PIP5K1C: variants seen among roughly 807,000 people sequenced by gnomAD.
PIP5K1C encodes phosphatidylinositol-4-phosphate 5-kinase type 1 gamma, also known as phosphatidylinositol 4-phosphate 5-kinase type-1 gamma.
PIP5K1C carries 45 observed loss-of-function variants against 80.1 expected under a neutral mutation model. The observed-to-expected ratio is 0.56, with a 90% CI of 0.44 to 0.72. The LOEUF (loss-of-function observed/expected upper bound fraction) is 0.72. Ranked by LOEUF, PIP5K1C falls within the 30% of genes least tolerant of loss-of-function variation. The pLI, the probability that PIP5K1C is intolerant of heterozygous loss-of-function variation, is 0.00. For missense variants in PIP5K1C, 753 were observed against 954.6 expected, an observed-to-expected ratio of 0.79 and a Z score of 2.78; for synonymous variants, 498 against 420.1, an observed-to-expected ratio of 1.19 and a Z score of -2.27.
At chr19:3,676,509 C>T (rs11672559) in intron 1 of PIP5K1C, among the ~76,000 whole-genome samples, 16,442 of 152,172 alleles carry the variant, frequency 0.11, 1,165 homozygotes, top group East Asian at 0.19. Flanking sequence ...CACCATCACT[C>T]GGCCCCCCGC....
In PIP5K1C at chr19:3,662,103, G is replaced by A. The variant is rs748223083; in HGVS notation, c.220-102C>T. 6.4e-5 allele frequency: 91 copies of A among 1,421,158 alleles called. No individual in the cohort carries two copies. The Admixed American group carries it at 8.4e-4, about 13-fold the overall frequency. 88.0% of individuals were successfully genotyped at this position (1,421,158 alleles called of 1,614,324 possible). A position where few individuals can be genotyped will look rare whatever the true frequency, so the allele number is the denominator to read the frequency against. On this transcript the variant is annotated intron_variant, in intron 3 of 17. Transcript: ENST00000335312. ...GGAGATCGTGACCAGCTGCAGCTTG[G>A]GACCCGGCACCTGCCAACCCCCTCC... is the stretch of plus-strand genomic sequence containing the variant.
rs1396413143 is a variant in PIP5K1C at position 3,636,642 on chromosome 19, C to G, written c.1920+2242G>C. ...GCGGTGGCTGGCTTCCCGCTGGCTC[C>G]GTGGGACGGAGCTGCCTAGAGCAGC... On this transcript the variant is annotated intron_variant, in intron 16 of 17. Transcript: ENST00000335312. 1.5e-5 allele frequency: 15 copies of G among 985,664 alleles called. No individual in the cohort carries two copies. In the East Asian group the frequency reaches 1.7e-3, roughly 112 times the overall value. The allele number at this position is 985,664 out of a possible 1,614,324, so 61.1% of individuals were successfully genotyped here.
intron 3 of PIP5K1C, among the ~76,000 whole-genome samples, chr19:3,663,814 G>A (rs2034917448): frequency 6.6e-6 from 1 of 152,210 alleles, no homozygotes; most frequent in South Asian, 2.1e-4. Flanking sequence ...AGAACAGTTT[G>A]CGAGTTTCTC....
intron 4 of PIP5K1C, 92 bp from the exon 5 acceptor site, chr19:3,661,175 G>A: frequency 1.2e-6 from 1 of 841,890 alleles, no homozygotes; most frequent in Non-Finnish European, 2.0e-6. Context: ...TCTAGCAGCT[G>A]AGCCTCTAGC....
At position 3,667,330 on chromosome 19, in the gene PIP5K1C, G is replaced by C; in HGVS notation, c.118C>G (p.Pro40Ala). Residue 40 changes from proline (P) to alanine (A), a missense_variant, in exon 2 of 18, where the codon CCA becomes GCA. By Grantham distance (27) the Pro-to-Ala change is conservative. Transcript: ENST00000335312. Reference protein sequence around the residue: ...AAGLAQKKAAPTEVLSMTAQP... With the variant: ...AAGLAQKKAAATEVLSMTAQP... The stretch of plus-strand genomic sequence containing the variant: ...CCGCTCCAGACACTCACCTCTGTTG[G>C]GGCCGCCTTCTTCTGAGCCAAACCT... 4 of 1,612,956 alleles carry C rather than the reference G, an allele frequency of 2.5e-6. No homozygotes were observed. Among genetic ancestry groups the C allele is most frequent in the Middle Eastern group, 1.6e-4 (1 of 6,062 alleles).
At chr19:3,672,647 G>A (rs1176747898) in intron 1 of PIP5K1C, 1 of 152,384 alleles carries the variant, frequency 6.6e-6, no homozygotes, top group Non-Finnish European at 1.5e-5. Context: ...CTGGACAGGT[G>A]GCCAGAGGGA....
At chr19:3,656,638 C>A in intron 5 of PIP5K1C, 81 bp from the exon 6 acceptor site, 1 of 1,504,032 alleles carries the variant, frequency 6.6e-7, no homozygotes, top group South Asian at 1.1e-5. Flanking sequence ...GCCCAACAGC[C>A]CCAGGAACTG....
intron 10 of PIP5K1C, among the ~76,000 whole-genome samples, chr19:3,646,717 C>G (rs2034231510): frequency 6.6e-6 from 1 of 152,180 alleles, no homozygotes; most frequent in Non-Finnish European, 1.5e-5. Context: ...CCGCTCAAGG[C>G]TTATTCTGGA....
intron 16 of PIP5K1C, among the ~76,000 whole-genome samples, chr19:3,638,244 G>A (rs1017684763): frequency 6.6e-6 from 1 of 152,138 alleles, no homozygotes; most frequent in South Asian, 2.1e-4. Context: ...CTGGCCGCCC[G>A]GCAGCCACCT....
intron 16 of PIP5K1C, 30 bp from the exon 17 acceptor site, chr19:3,633,550 G>A (rs117448619): frequency 4.3e-5 from 62 of 1,445,992 alleles, no homozygotes; most frequent in African/African-American, 9.9e-5. Flanking sequence ...GCAGGAGGGC[G>A]CGGAAGAGCA....
At chr19:3,635,020 G>A (rs541480540) in intron 16 of PIP5K1C, among the ~76,000 whole-genome samples, 14 of 152,352 alleles carry the variant, frequency 9.2e-5, no homozygotes, top group Non-Finnish European at 1.3e-4. Flanking sequence ...TTGAGAGCCC[G>A]GCATGGGGAG....
rs563502557 is a variant in PIP5K1C at position 3,695,896 on chromosome 19, T to A, written c.94+4401A>T. ...ATACCATTACGTCTAGCTACTTCTT[T>A]TAATTTTTTTTTAGTAGAGACAGGG... On this transcript the variant is annotated intron_variant, in intron 1 of 17. Transcript: ENST00000335312. Among the ~76,000 whole-genome samples the A allele has an allele frequency of 3.9e-5, 6 of 152,188 alleles. No individual in the cohort carries two copies. In the East Asian group the frequency reaches 1.2e-3, roughly 29 times the overall value.
At position 3,696,660 on chromosome 19, in the gene PIP5K1C, T is replaced by G. The variant is rs536494246; in HGVS notation, c.94+3637A>C. On this transcript the variant is annotated intron_variant, in intron 1 of 17. Transcript: ENST00000335312. The surrounding 1 kb of genome is among the most constrained non-coding windows in gnomAD (Gnocchi z 4.1). ...CCCCGGGGCAGGACCATGCCCTGCA[T>G]GCTGGAGGAACAGCAAGGGGCCCAT... 7.4e-6 allele frequency among the ~76,000 whole-genome samples: 1 copy of G among 134,492 alleles called. No homozygotes were observed. The highest frequency in any genetic ancestry group is 2.8e-5 in the African/African-American group (1 of 35,568). 88.2% of individuals were successfully genotyped at this position (134,492 alleles called of 152,430 possible).
chr19:3,642,436 C>T (rs1372578433), intron 14 of PIP5K1C, among the ~76,000 whole-genome samples: 2 of 152,220 alleles, frequency 1.3e-5, no homozygotes, highest in East Asian at 3.9e-4. Context: ...AGATCCCCGT[C>T]AGTCGAGTGA....
intron 1 of PIP5K1C, among the ~76,000 whole-genome samples, chr19:3,681,251 G>A (rs1289443673): frequency 2.0e-5 from 3 of 147,034 alleles, no homozygotes; most frequent in Non-Finnish European, 4.5e-5. Flanking sequence ...TTTTTTTTGA[G>A]ATAGAGTCTC....
chr19:3,633,228 T>A, intron 17 of PIP5K1C, 59 bp from the exon 18 acceptor site: 1 of 731,402 alleles, frequency 1.4e-6, no homozygotes, highest in East Asian at 2.6e-5. Context: ...CCAGGCCCCC[T>A]GCCAGGGACT....
At chr19:3,694,587 G>A (rs1036953515) in intron 1 of PIP5K1C, among the ~76,000 whole-genome samples, 3 of 152,214 alleles carry the variant, frequency 2.0e-5, no homozygotes, top group Admixed American at 1.3e-4. Flanking sequence ...GCTGTGAATC[G>A]GGCTCGCCGC....
At chr19:3,635,142 G>A (rs1013001097) in intron 16 of PIP5K1C, among the ~76,000 whole-genome samples, 7 of 152,254 alleles carry the variant, frequency 4.6e-5, no homozygotes, top group East Asian at 3.8e-4. Context: ...GAACTGGCCC[G>A]CAGGGAGGAG....
intron 1 of PIP5K1C, among the ~76,000 whole-genome samples, chr19:3,689,803 ACT>A (rs1457241609): frequency 6.6e-6 from 1 of 151,758 alleles, no homozygotes; most frequent in Non-Finnish European, 1.5e-5. Context: ...ACTCACATGC[ACT>A]CTCACACACA....
Sources: allele counts gnomAD v4.1 joint callset (sites outside exome capture counted in the v4.1 genomes callset), GRCh38; gene constraint gnomAD v4.1.1; non-coding constraint Gnocchi (gnomAD v3.1); transcripts MANE v1.5; gene names NCBI Gene and HGNC (gene_info 2026-07-23, HGNC 2026-07-21).